The following ARHGAP22 variants were observed in gnomAD, a reference collection of about 807,000 sequenced individuals.
The protein encoded by ARHGAP22 is rho GTPase-activating protein 22.
ARHGAP22 carries 48 observed loss-of-function variants against 59.1 expected under a neutral mutation model. The observed-to-expected ratio is 0.81, with a 90% confidence interval of 0.64 to 1.03. The LOEUF (loss-of-function observed/expected upper bound fraction) is 1.03, where lower values mean the gene tolerates loss of function less well. ARHGAP22 is among the 50% of genes least tolerant of loss of function. ARHGAP22 has a pLI of 0.00. For missense variants in ARHGAP22, 1,015 were observed against 958.7 expected, an observed-to-expected ratio of 1.06 and a Z score of -0.78; for synonymous variants, 445 against 416.4, an observed-to-expected ratio of 1.07 and a Z score of -0.84.
At chr10:48,484,214 G>A (rs2049624982) in intron 3 of ARHGAP22, among the ~76,000 whole-genome samples, 1 of 152,202 alleles carries the variant, frequency 6.6e-6, no homozygotes, top group Admixed American at 6.5e-5. Context: ...TATTGGGAAT[G>A]GATGTTAGAT....
chr10:48,454,895 A>C, intron 6 of ARHGAP22, 107 bp downstream of exon 6: 3 of 1,222,270 alleles, frequency 2.5e-6, no homozygotes, highest in East Asian at 7.5e-5. Context: ...CCTCCACAGG[A>C]TCCATGTGCC....
At chr10:48,570,259 C>T (rs1297936506) in intron 2 of ARHGAP22, among the ~76,000 whole-genome samples, 1 of 152,192 alleles carries the variant, frequency 6.6e-6, no homozygotes, top group Non-Finnish European at 1.5e-5. Flanking sequence ...CACAAAGTCT[C>T]ACAGTTGAAT....
At chr10:48,484,129 G>A (rs1209461800) in intron 3 of ARHGAP22, among the ~76,000 whole-genome samples, 1 of 152,198 alleles carries the variant, frequency 6.6e-6, no homozygotes, top group Non-Finnish European at 1.5e-5. Flanking sequence ...ATCACTTATT[G>A]AGGAGGGTGT....
intron 1 of ARHGAP22, among the ~76,000 whole-genome samples, chr10:48,593,889 A>G (rs2059913111): frequency 1.3e-5 from 2 of 152,252 alleles, no homozygotes; most frequent in South Asian, 4.1e-4. Flanking sequence ...TAGGTCTGGA[A>G]GGAACATATC....
rs148398026 is a variant in ARHGAP22 at position 48,475,640 on chromosome 10, G to A, written c.451+3996C>T. ...CCATCTTAGCAGGGGAATACCACTG[G>A]CTCTACCTTCAGAATAAATCAAGAA... is the stretch of plus-strand genomic sequence containing the variant. On this transcript the variant is annotated intron_variant, in intron 4 of 9. Transcript: ENST00000249601. 4.6e-5 allele frequency among the ~76,000 whole-genome samples: 7 copies of A among 152,162 alleles called. No homozygotes were observed. The East Asian group carries it at 1.4e-3, about 29-fold the overall frequency.
intron 2 of ARHGAP22, among the ~76,000 whole-genome samples, chr10:48,579,758 G>A (rs551695302): frequency 1.8e-4 from 28 of 152,226 alleles, no homozygotes; most frequent in Non-Finnish European, 2.6e-4. Flanking sequence ...GGTGCAGCCC[G>A]TCCTACAGGA....
intron 3 of ARHGAP22, among the ~76,000 whole-genome samples, chr10:48,516,267 G>A (rs2053276666): frequency 4.6e-5 from 7 of 152,242 alleles, no homozygotes; most frequent in Admixed American, 4.6e-4. Context: ...GCTCATGCCT[G>A]TAATCCCAGC....
chr10:48,496,445 A>G (rs2134297776), intron 3 of ARHGAP22, among the ~76,000 whole-genome samples: 1 of 152,316 alleles, frequency 6.6e-6, no homozygotes, highest in Non-Finnish European at 1.5e-5. Context: ...AGGTGTCATG[A>G]TTCTCATTTT....
intron 3 of ARHGAP22, among the ~76,000 whole-genome samples, chr10:48,480,948 T>G (rs2049245668): frequency 2.6e-5 from 4 of 151,924 alleles, no homozygotes; most frequent in Admixed American, 2.6e-4. Flanking sequence ...AGGCAGAGGG[T>G]GGGGCTGTGT....
At chr10:48,433,865 A>C in the ARHGAP22 span, among the ~76,000 whole-genome samples, 1 of 152,166 alleles carries the variant, frequency 6.6e-6, no homozygotes, top group Non-Finnish European at 1.5e-5. Context: ...ACCCTCAGAA[A>C]TTCTGCTCAG....
At chr10:48,583,306 A>G in intron 1 of ARHGAP22, 154 bp from the exon 2 acceptor site, 2 of 402,526 alleles carry the variant, frequency 5.0e-6, no homozygotes, top group Non-Finnish European at 6.7e-6. Flanking sequence ...TTGGCATTGA[A>G]GGGGCATGGG....
intron 1 of ARHGAP22, among the ~76,000 whole-genome samples, chr10:48,622,825 T>A (rs1161527931): frequency 6.6e-6 from 1 of 152,252 alleles, no homozygotes; most frequent in East Asian, 1.9e-4. Context: ...TATAGGCATA[T>A]GGCTGCCTTT....
At chr10:48,501,432 GGA>G (rs1427400015) in intron 3 of ARHGAP22, among the ~76,000 whole-genome samples, 2 of 152,266 alleles carry the variant, frequency 1.3e-5, no homozygotes, top group African/African-American at 4.8e-5. Context: ...CCTCCCCATG[GGA>G]GGTGCTCTTG....
At chr10:48,631,283 T>C (rs2061620015) in intron 1 of ARHGAP22, among the ~76,000 whole-genome samples, 1 of 152,216 alleles carries the variant, frequency 6.6e-6, no homozygotes, top group South Asian at 2.1e-4. Context: ...CTTGTCTTTA[T>C]CTGGTTTGGG....
At chr10:48,532,728 C>T (rs2054974632) in intron 3 of ARHGAP22, 1 of 145,220 alleles carries the variant, frequency 6.9e-6, no homozygotes, top group African/African-American at 2.5e-5. Flanking sequence ...TGAGTGAGAA[C>T]ATGCAGTGTT....
chr10:48,578,023 G>T (rs939434338), intron 2 of ARHGAP22, among the ~76,000 whole-genome samples: 2 of 151,908 alleles, frequency 1.3e-5, no homozygotes, highest in Non-Finnish European at 2.9e-5. Context: ...TGGCTAGGCT[G>T]GTCTCGAACT....
At chr10:48,516,373 T>C (rs1428843820) in intron 3 of ARHGAP22, among the ~76,000 whole-genome samples, 2 of 151,906 alleles carry the variant, frequency 1.3e-5, no homozygotes, top group Non-Finnish European at 2.9e-5. Flanking sequence ...CTTTTTTTCA[T>C]TAAAAATTAG....
At chr10:48,545,711 C>A (rs2056374141) in intron 3 of ARHGAP22, among the ~76,000 whole-genome samples, 1 of 152,210 alleles carries the variant, frequency 6.6e-6, no homozygotes, top group Admixed American at 6.5e-5. Flanking sequence ...AAGGTCAGGC[C>A]TCCCTTTAAG....
chr10:48,573,116 G>C (rs1459274400), intron 2 of ARHGAP22, among the ~76,000 whole-genome samples: 1 of 152,174 alleles, frequency 6.6e-6, no homozygotes, highest in South Asian at 2.1e-4. Context: ...TCAAACTCAC[G>C]AAGTAAGGCA....
Sources: allele counts gnomAD v4.1 joint callset (sites outside exome capture counted in the v4.1 genomes callset), GRCh38; gene constraint gnomAD v4.1.1; transcripts MANE v1.5; gene names NCBI Gene and HGNC (gene_info 2026-07-23, HGNC 2026-07-21).